Variants in SHANK1 observed in about 807,000 individuals in gnomAD.
SHANK1 encodes the protein SH3 and multiple ankyrin repeat domains 1.
Under a neutral mutation model 165.6 loss-of-function variants are expected in SHANK1, and 35 were observed. That is an observed-to-expected ratio of 0.21 (90% CI 0.16 to 0.28). The LOEUF (loss-of-function observed/expected upper bound fraction) is 0.28. Ranked by LOEUF, SHANK1 falls within the 10% of genes least tolerant of loss-of-function variation. The pLI is 1.00. For synonymous variants in SHANK1, 1,428 were observed against 1,384.8 expected (o/e 1.03, Z -0.69); for missense variants, 2,681 against 3,036.4 (o/e 0.88, Z 2.75).
chr19:50,688,121 G>A lies in SHANK1; in HGVS notation c.2173-63C>T. ...GAGGGGAGGGGTGCTTGCAGCTTCA[G>A]AGACCCCAAGGAGGATGCCTCCTGC... On this transcript the variant is annotated intron_variant, in intron 17 of 23. Transcript: ENST00000293441. This position sits in a 1 kb window ranked among gnomAD's most constrained non-coding sequence, Gnocchi z 6.7. 1 of 1,597,734 alleles carries A rather than the reference G, an allele frequency of 6.3e-7. No homozygotes were observed. Among genetic ancestry groups the A allele is most frequent in the Non-Finnish European group, 8.5e-7 (1 of 1,170,976 alleles).
intron 21 of SHANK1, among the ~76,000 whole-genome samples, chr19:50,680,472 C>T (rs936004810): frequency 2.0e-5 from 3 of 152,082 alleles, no homozygotes; most frequent in Non-Finnish European, 4.4e-5. Context: ...AAAGCCAAAG[C>T]CATACCGAGG....
At position 50,666,198 on chromosome 19, in the gene SHANK1, C is replaced by T. The variant is rs1258500058; in HGVS notation, c.5762G>A (p.Arg1921Gln). The stretch of plus-strand genomic sequence containing the variant: ...GCCACCAGCCCCCGCTTACCTCTGC[C>T]GCTGCAGGGAGGAGGTCCTCTCGGG... ...YVPERTSSLQ[R>Q]QRLSDDSQSS... Residue 1921 changes from arginine to glutamine, a missense_variant, in exon 23 of 24, where the codon CGG becomes CAG. Arg to Gln is a conservative substitution (Grantham distance 43, BLOSUM62 1). This residue lies in a region of SHANK1 where 1,713 missense variants were observed against 1,630.2 expected (regional missense o/e 1.05). Transcript: ENST00000293441. 3 of 1,593,758 alleles carry T rather than the reference C, an allele frequency of 1.9e-6. No individual in the cohort carries two copies. The highest frequency in any genetic ancestry group is 8.5e-7 in the Non-Finnish European group (1 of 1,170,618).
intron 12 of SHANK1, among the ~76,000 whole-genome samples, chr19:50,699,955 GATT>G (rs1986858874): frequency 7.5e-6 from 1 of 134,108 alleles, no homozygotes; most frequent in African/African-American, 2.9e-5. Context: ...GGCATTGGAG[GATT>G]GGAGGGCTCG....
chr19:50,661,883 G>T lies in SHANK1; in HGVS notation c.*82C>A. 1 of 1,481,094 alleles carries T rather than the reference G, an allele frequency of 6.8e-7. No homozygotes were observed. The highest frequency in any genetic ancestry group is 1.2e-5 in the South Asian group (1 of 86,542). 91.7% of individuals were successfully genotyped at this position (1,481,094 alleles called of 1,614,324 possible). A position where few individuals can be genotyped will look rare whatever the true frequency, so the allele number is the denominator to read the frequency against. On this transcript the variant is annotated 3_prime_UTR_variant, in exon 24 of 24. Coordinates refer to ENST00000293441, the MANE Select transcript of SHANK1 (RefSeq NM_016148.5). ...GAACAGAGTCCCTGGCCCGGGGAGA[G>T]AATGACAGTCAGGGGTCAGAGGTCA...
chr19:50,666,117 C>G, intron 23 of SHANK1, 75 bp downstream of exon 23: 2 of 1,402,918 alleles, frequency 1.4e-6, no homozygotes, highest in South Asian at 1.5e-5. Context: ...TTTCTGCCAC[C>G]CTGAGACCCT....
intron 9 of SHANK1, 30 bp from the exon 10 acceptor site, chr19:50,704,216 C>T: frequency 6.2e-7 from 1 of 1,606,174 alleles, no homozygotes; most frequent in Non-Finnish European, 8.5e-7. Flanking sequence ...GCAGGTCGGC[C>T]AGGGGGGCCC....
At chr19:50,675,428 G>A (rs1985944449) in intron 21 of SHANK1, among the ~76,000 whole-genome samples, 1 of 152,196 alleles carries the variant, frequency 6.6e-6, no homozygotes, top group Non-Finnish European at 1.5e-5. Flanking sequence ...TTCTAGTCCA[G>A]AGTTTCCTGG....
intron 4 of SHANK1, among the ~76,000 whole-genome samples, chr19:50,714,690 CA>C (rs67938945): frequency 0.083 from 8,597 of 103,018 alleles, 515 homozygotes; most frequent in African/African-American, 0.21. Flanking sequence ...GACCCCGTCT[CA>C]AAAAAAAAAA....
In SHANK1 at chr19:50,659,271, T is replaced by A. The variant is rs1985090042; in HGVS notation, c.*2694A>T. On this transcript the variant is annotated 3_prime_UTR_variant, in exon 24 of 24. Coordinates refer to ENST00000293441, the MANE Select transcript of SHANK1 (RefSeq NM_016148.5). ...GGGGCCGGCTCGAGGGGGTGGATAC[T>A]GTGAGTTTAATTATAAAGAATGACC... 2.8e-6 allele frequency: 2 copies of A among 705,258 alleles called. No individual in the cohort carries two copies. Among genetic ancestry groups the A allele is most frequent in the East Asian group, 3.5e-5 (1 of 28,580 alleles). 43.7% of individuals were successfully genotyped at this position (705,258 alleles called of 1,614,324 possible).
intron 15 of SHANK1, among the ~76,000 whole-genome samples, chr19:50,692,903 C>A (rs1226989613): frequency 1.3e-5 from 2 of 148,762 alleles, no homozygotes; most frequent in Non-Finnish European, 3.0e-5. Context: ...CCCCCTTTCC[C>A]CCTAAACATC....
rs1448115197 is a variant in SHANK1 at position 50,661,478 on chromosome 19, G to T, written c.*487C>A. 6.6e-6 allele frequency among the ~76,000 whole-genome samples: 1 copy of T among 151,748 alleles called. No individual in the cohort carries two copies. The highest frequency in any genetic ancestry group is 2.1e-4 in the South Asian group (1 of 4,804). ...GCAACGGAGCGTGCAAGAGGCTGAGGGGGGCAGCTGTGTGTGCTGGGGAGA... is the reference window on the plus strand; with the variant it reads ...GCAACGGAGCGTGCAAGAGGCTGAGTGGGGCAGCTGTGTGTGCTGGGGAGA... On this transcript the variant is annotated 3_prime_UTR_variant, in exon 24 of 24. Coordinates refer to ENST00000293441, the MANE Select transcript of SHANK1 (RefSeq NM_016148.5).
Position 50,713,335 on chromosome 19 carries a change from G to A in SHANK1, c.792+463C>T, listed in dbSNP as rs2089030393. 6.6e-6 allele frequency among the ~76,000 whole-genome samples: 1 copy of A among 151,966 alleles called. No homozygotes were observed. Among genetic ancestry groups the A allele is most frequent in the African/African-American group, 2.4e-5 (1 of 41,358 alleles). On this transcript the variant is annotated intron_variant, in intron 6 of 23. Coordinates refer to ENST00000293441, the MANE Select transcript of SHANK1 (RefSeq NM_016148.5). The surrounding 1 kb of genome is among the most constrained non-coding windows in gnomAD (Gnocchi z 6.2). The stretch of plus-strand genomic sequence containing the variant: ...TTGAGGCTGTGTACGTGGGGAAGGG[G>A]CTGTATTTGCATGTGAGAGAGGAGG...
Position 50,668,401 on chromosome 19 carries a change from G to A in SHANK1, c.3559C>T (p.Pro1187Ser). The change falls in exon 23 of 24, where the codon CCC becomes TCC. Residue 1187 changes from proline to serine, a missense_variant. By Grantham distance (74) the Pro-to-Ser change is moderately conservative. Transcript: ENST00000293441. ...TEAEPPTQPEPTGGGGGGGSS... is the reference protein window; with the variant it reads ...TEAEPPTQPESTGGGGGGGSS... ...CCGCCGCCGCCGCCGCCTCCCGTGG[G>A]CTCCGGCTGGGTGGGGGGCTCCGCC... The A allele has an allele frequency of 7.6e-7, 1 of 1,319,216 alleles. No homozygotes were observed. The highest frequency in any genetic ancestry group is 9.7e-7 in the Non-Finnish European group (1 of 1,032,208). 81.7% of individuals were successfully genotyped at this position (1,319,216 alleles called of 1,614,324 possible).
At position 50,668,626 on chromosome 19, in the gene SHANK1, T is replaced by C. The variant is rs1440787551; in HGVS notation, c.3334A>G (p.Lys1112Glu). Residue 1112 changes from lysine (K) to glutamate (E), a missense_variant, in exon 23 of 24, where the codon AAG becomes GAG. Lys to Glu is a moderately conservative substitution (Grantham distance 56, BLOSUM62 1). This residue lies in a region of SHANK1 where 1,713 missense variants were observed against 1,630.2 expected (regional missense o/e 1.05). Transcript: ENST00000293441. ...GGCTCGCCTTCCACCTTGGTCTGCT[T>C]GACCAGCGGGCCCTTGCGGCCGCGG... ...SGRGRKGPLV[K>E]QTKVEGEPQK... 1.5e-6 allele frequency: 2 copies of C among 1,373,600 alleles called. No homozygotes were observed. Among genetic ancestry groups the C allele is most frequent in the Admixed American group, 3.1e-5 (1 of 32,050 alleles). The allele number at this position is 1,373,600 out of a possible 1,614,324, so 85.1% of individuals were successfully genotyped here.
intron 22 of SHANK1, 23 bp downstream of exon 22, chr19:50,671,995 A>ATCTC: frequency 6.3e-7 from 1 of 1,579,958 alleles, no homozygotes; most frequent in South Asian, 1.1e-5. Context: ...CAGCCCCCAC[A>ATCTC]TCTCTTCTTC....
rs968019155 is a variant in SHANK1, at chr19:50,669,039, G to A, written c.2921C>T (p.Ser974Phe). ...GCTCCCCACGCGAGTGTCGGGAGGG[G>A]AGGGCCCGTCAAAGGATGCAGGGGA... The part of the protein sequence containing the change: ...ASSPASFDGP[S>F]PPDTRVGSRE... Residue 974 changes from serine to phenylalanine, a missense_variant, in exon 23 of 24, where the codon TCC becomes TTC. Coordinates refer to ENST00000293441, the MANE Select transcript of SHANK1 (RefSeq NM_016148.5). 4.4e-5 allele frequency: 39 copies of A among 880,538 alleles called. No homozygotes were observed. Among genetic ancestry groups the A allele is most frequent in the Admixed American group, 2.3e-4 (8 of 35,086 alleles). The allele number at this position is 880,538 out of a possible 1,614,324, so 54.5% of individuals were successfully genotyped here. A position where few individuals can be genotyped will look rare whatever the true frequency, so the allele number is the denominator to read the frequency against.
chr19:50,702,854 T>G lies in SHANK1; in HGVS notation c.1554-194A>C, dbSNP rs947800256. 1.3e-5 allele frequency among the ~76,000 whole-genome samples: 2 copies of G among 151,396 alleles called. No individual in the cohort carries two copies. The highest frequency in any genetic ancestry group is 2.9e-5 in the Non-Finnish European group (2 of 67,816). On this transcript the variant is annotated intron_variant, in intron 11 of 23. Transcript: ENST00000293441. The surrounding 1 kb of genome is among the most constrained non-coding windows in gnomAD (Gnocchi z 5.3). ...CCCGCAGCTGCCCCAACCAGCCCCC[T>G]CTCCTGCCTCCTGGCTTCCGGCTCT...
At chr19:50,687,705 T>TC in intron 18 of SHANK1, 43 bp from the exon 19 acceptor site, 1 of 1,411,472 alleles carries the variant, frequency 7.1e-7, no homozygotes, top group Non-Finnish European at 9.4e-7. Context: ...ATGGGGGAGA[T>TC]GCCCCCACCA....
chr19:50,716,829 C>T lies in SHANK1; in HGVS notation c.91G>A (p.Asp31Asn). 2 of 1,567,134 alleles carry T rather than the reference C, an allele frequency of 1.3e-6. No individual in the cohort carries two copies. The highest frequency in any genetic ancestry group is 2.3e-5 in the East Asian group (1 of 44,286). Residue 31 changes from aspartate (D) to asparagine (N), a missense_variant, in exon 2 of 24, where the codon GAC becomes AAC. This residue lies in a region of SHANK1 where 118 missense variants were observed against 106.9 expected (regional missense o/e 1.10). Transcript: ENST00000293441. The surrounding 1 kb of genome is among the most constrained non-coding windows in gnomAD (Gnocchi z 8.4). ...EGGSESDSSPDGPGRGPRGTR... is the reference protein window; with the variant it reads ...EGGSESDSSPNGPGRGPRGTR... ...CCCCGGGGGCCTCGACCTGGCCCGT[C>T]TGGGGAGCTGTCGGACTCTGAGCCC... is the stretch of plus-strand genomic sequence containing the variant.
Sources: gnomAD v4.1 joint callset for allele counts (sites outside exome capture counted in the v4.1 genomes callset) on GRCh38, gnomAD v4.1.1 for gene constraint, gnomAD v4.1.1 regional missense constraint, Gnocchi (gnomAD v3.1) non-coding constraint, MANE v1.5 for transcripts, NCBI Gene and HGNC (gene_info 2026-07-23, HGNC 2026-07-21) for gene names.